WDR44: variants seen among roughly 807,000 people sequenced by gnomAD.
WDR44 encodes WD repeat-containing protein 44.
WDR44 carries 9 observed loss-of-function variants against 65.7 expected under a neutral mutation model. That is an observed-to-expected ratio of 0.14 (90% CI 0.08 to 0.24). The LOEUF (loss-of-function observed/expected upper bound fraction) is 0.24. Ranked by LOEUF, WDR44 falls within the 10% of genes least tolerant of loss-of-function variation. The pLI is 1.00. For synonymous variants in WDR44, 220 were observed against 235.2 expected (o/e 0.94, Z 0.59); for missense variants, 425 against 670.9 (o/e 0.63, Z 4.05).
chrX:118,361,986 G>A (rs2056516568), intron 1 of WDR44, among the ~76,000 whole-genome samples: 1 of 112,033 alleles, frequency 8.9e-6, no homozygotes, highest in Non-Finnish European at 1.9e-5. Context: ...TTCAAAATAT[G>A]AGTTTTGCAG....
chrX:118,409,425 A>G, intron 10 of WDR44, 64 bp from the exon 11 acceptor site: 2 of 1,149,326 alleles, frequency 1.7e-6, no homozygotes, highest in Non-Finnish European at 2.3e-6. Flanking sequence ...CCACCATGCC[A>G]GGCCAAAAGT....
intron 12 of WDR44, among the ~76,000 whole-genome samples, chrX:118,432,471 A>C (rs2057220055): frequency 8.9e-6 from 1 of 111,788 alleles, no homozygotes; most frequent in South Asian, 3.7e-4. Flanking sequence ...ATTAGCTTAG[A>C]CCAATCATGA....
chrX:118,385,649 C>G (rs1391552059), intron 2 of WDR44, among the ~76,000 whole-genome samples: 2 of 109,624 alleles, frequency 1.8e-5, no homozygotes, highest in Non-Finnish European at 1.9e-5. Flanking sequence ...TACCCCTGAA[C>G]TTAAAGTTAA....
intron 2 of WDR44, among the ~76,000 whole-genome samples, chrX:118,382,715 TA>T (rs2147691854): frequency 8.9e-6 from 1 of 112,112 alleles, no homozygotes; most frequent in Non-Finnish European, 1.9e-5. Context: ...AGGGGGGTTA[TA>T]GACAGCTCTG....
chrX:118,391,173 T>G (rs1014443959), intron 3 of WDR44, among the ~76,000 whole-genome samples: 2 of 112,297 alleles, frequency 1.8e-5, no homozygotes, highest in African/African-American at 6.5e-5. Flanking sequence ...CGAAGTCTTT[T>G]TGCATTTATA....
At chrX:118,380,674 G>A (rs190156534) in intron 2 of WDR44, among the ~76,000 whole-genome samples, 34 of 111,883 alleles carry the variant, frequency 3.0e-4, no homozygotes, top group African/African-American at 9.4e-4. Context: ...GATTGTTGGT[G>A]ATTTTACAGT....
At chrX:118,366,679 AAT>A (rs1169254342) in intron 1 of WDR44, among the ~76,000 whole-genome samples, 3 of 111,127 alleles carry the variant, frequency 2.7e-5, no homozygotes, top group East Asian at 5.5e-4. Context: ...TGTTATATAT[AAT>A]ATATATAATC....
intron 3 of WDR44, among the ~76,000 whole-genome samples, chrX:118,391,825 A>G (rs1202602701): frequency 9.0e-6 from 1 of 111,220 alleles, no homozygotes; most frequent in Non-Finnish European, 1.9e-5. Context: ...CTCTACTAAA[A>G]ATACAAAAAT....
intron 12 of WDR44, among the ~76,000 whole-genome samples, chrX:118,419,473 C>T (rs1040485382): frequency 1.8e-5 from 2 of 108,172 alleles, no homozygotes; most frequent in African/African-American, 3.5e-5. Context: ...GTGTGTGTTC[C>T]GGAGAGGAGG....
At chrX:118,416,830 T>C (rs1054063664) in intron 12 of WDR44, among the ~76,000 whole-genome samples, 4 of 111,625 alleles carry the variant, frequency 3.6e-5, no homozygotes, top group African/African-American at 1.3e-4. Flanking sequence ...ATCTCATTTC[T>C]TAGGTCTATT....
intron 2 of WDR44, 94 bp downstream of exon 2, chrX:118,378,546 T>C: frequency 8.9e-6 from 8 of 900,342 alleles, no homozygotes; most frequent in Non-Finnish European, 1.3e-5. Flanking sequence ...TTTTGCTTTT[T>C]TTTACTTACT....
intron 1 of WDR44, among the ~76,000 whole-genome samples, chrX:118,352,360 T>C (rs1429654645): frequency 1.9e-5 from 1 of 53,609 alleles, no homozygotes; most frequent in Non-Finnish European, 3.1e-5. Context: ...ATATTTTTTT[T>C]TTTTTTTTTT....
At chrX:118,366,597 G>A (rs2682998) in intron 1 of WDR44, among the ~76,000 whole-genome samples, 1 of 109,914 alleles carries the variant, frequency 9.1e-6, no homozygotes, top group African/African-American at 3.3e-5. Flanking sequence ...TATATGGACC[G>A]TATTTGATTG....
chrX:118,366,054 C>T (rs1348968555), intron 1 of WDR44, among the ~76,000 whole-genome samples: 1 of 107,654 alleles, frequency 9.3e-6, no homozygotes, highest in Non-Finnish European at 1.9e-5. Flanking sequence ...GAATGGAAGT[C>T]ACTTATAATA....
At chrX:118,419,183 C>A (rs749682516) in intron 12 of WDR44, among the ~76,000 whole-genome samples, 7 of 111,554 alleles carry the variant, frequency 6.3e-5, no homozygotes, top group South Asian at 3.8e-4. Context: ...GTGCCCTCCC[C>A]CTTCTGGCCA....
At chrX:118,368,480 T>TATATATATATATATAC (rs1487283299) in intron 1 of WDR44, among the ~76,000 whole-genome samples, 2 of 98,600 alleles carry the variant, frequency 2.0e-5, no homozygotes, top group African/African-American at 7.9e-5. Flanking sequence ...TATATATATA[T>TATATATATATATATAC]ACTTCTTGAG....
intron 8 of WDR44, among the ~76,000 whole-genome samples, chrX:118,399,835 T>A (rs746906275): frequency 9.0e-6 from 1 of 111,709 alleles, no homozygotes; most frequent in African/African-American, 3.2e-5. Flanking sequence ...CCTGTAATCC[T>A]AGCATTTTGG....
At chrX:118,426,473 G>A (rs1438464482) in intron 12 of WDR44, among the ~76,000 whole-genome samples, 5 of 111,433 alleles carry the variant, frequency 4.5e-5, no homozygotes, top group Non-Finnish European at 9.4e-5. Context: ...AGGCCAAGGT[G>A]GGAGGATCAC....
chrX:118,409,369 A>G (rs1477933050), intron 10 of WDR44, 120 bp from the exon 11 acceptor site: 5 of 722,244 alleles, frequency 6.9e-6, no homozygotes, highest in Non-Finnish European at 1.0e-5. Flanking sequence ...ACCTTAGGTG[A>G]TCCACCTGCC....
Sources: gnomAD v4.1 joint callset for allele counts (sites outside exome capture counted in the v4.1 genomes callset) on GRCh38, gnomAD v4.1.1 for gene constraint, MANE v1.5 for transcripts, NCBI Gene and HGNC (gene_info 2026-07-23, HGNC 2026-07-21) for gene names.